Variants in RFX3 observed in about 807,000 individuals in gnomAD.
RFX3 encodes the protein regulatory factor X3.
RFX3 carries 14 observed loss-of-function variants against 98.6 expected under a neutral mutation model. The observed-to-expected ratio is 0.14, with a 90% CI of 0.09 to 0.22. The LOEUF is 0.22. RFX3 is among the 10% of genes least tolerant of loss of function. The pLI is 1.00. For missense variants in RFX3, 639 were observed against 926.9 expected (o/e 0.69, Z 4.03); for synonymous variants, 383 against 328.4 (o/e 1.17, Z -1.80).
At chr9:3,441,364 T>A (rs986455152) in intron 1 of RFX3, among the ~76,000 whole-genome samples, 1 of 152,080 alleles carries the variant, frequency 6.6e-6, no homozygotes, top group Non-Finnish European at 1.5e-5. Flanking sequence ...ATATGTTTCC[T>A]GGTTCTGTCT....
intron 1 of RFX3, among the ~76,000 whole-genome samples, chr9:3,498,745 A>G (rs1851287322): frequency 6.6e-6 from 1 of 152,076 alleles, no homozygotes; most frequent in South Asian, 2.1e-4. Flanking sequence ...CCCAAATCAA[A>G]CTAGCTTACC....
intron 1 of RFX3, among the ~76,000 whole-genome samples, chr9:3,498,771 T>A (rs1851289141): frequency 6.6e-6 from 1 of 152,080 alleles, no homozygotes; most frequent in Admixed American, 6.6e-5. Flanking sequence ...AAGAAAACCA[T>A]GACAACTGTT....
At chr9:3,282,786 A>G (rs556440841) in intron 7 of RFX3, among the ~76,000 whole-genome samples, 61 of 151,868 alleles carry the variant, frequency 4.0e-4, no homozygotes, top group African/African-American at 1.4e-3. Flanking sequence ...ATGCCAAGAG[A>G]TAAACAATAA....
chr9:3,281,409 T>C (rs1825897786), intron 7 of RFX3, among the ~76,000 whole-genome samples: 1 of 151,630 alleles, frequency 6.6e-6, no homozygotes, highest in Admixed American at 6.6e-5. Context: ...TTAAAAATAC[T>C]GAACTTTTTA....
intron 4 of RFX3, among the ~76,000 whole-genome samples, chr9:3,302,571 G>A (rs1021981303): frequency 1.2e-4 from 18 of 151,810 alleles, no homozygotes; most frequent in African/African-American, 4.3e-4. Context: ...AGAGAAAATT[G>A]ATTTCATTAT....
rs149767338 is a variant in RFX3, at chr9:3,525,358, T to A, written c.-9+389A>T. ...GAAAATTAAAGAAAGAACAAATTCT[T>A]ATCTCTTCACCTGACCCTCCTCCTC... On this transcript the variant is annotated intron_variant, in intron 1 of 16. Coordinates refer to ENST00000617270, the MANE Select transcript of RFX3 (RefSeq NM_001282116.2). 2.2e-3 allele frequency among the ~76,000 whole-genome samples: 341 copies of A among 152,294 alleles called. 12 individuals are homozygous for A. The East Asian group carries it at 0.058, about 26-fold the overall frequency.
intron 1 of RFX3, among the ~76,000 whole-genome samples, chr9:3,468,267 C>G (rs768770080): frequency 6.6e-6 from 1 of 152,136 alleles, no homozygotes; most frequent in Non-Finnish European, 1.5e-5. Context: ...AAGTATCATT[C>G]TTAAATAACA....
At chr9:3,456,418 G>C (rs7860523) in intron 1 of RFX3, among the ~76,000 whole-genome samples, 1 of 152,188 alleles carries the variant, frequency 6.6e-6, no homozygotes, top group Admixed American at 6.5e-5. Context: ...ATTTCAGATG[G>C]CTAAGCTTTT....
At chr9:3,486,421 G>A (rs910462213) in intron 1 of RFX3, among the ~76,000 whole-genome samples, 1 of 152,058 alleles carries the variant, frequency 6.6e-6, no homozygotes, top group African/African-American at 2.4e-5. Context: ...AAATAAATTT[G>A]AAAACTAATT....
At chr9:3,314,709 A>AT (rs1830374593) in intron 4 of RFX3, among the ~76,000 whole-genome samples, 1 of 152,046 alleles carries the variant, frequency 6.6e-6, no homozygotes, top group Admixed American at 6.6e-5. Context: ...CAAAAAAAAA[A>AT]GCAGGGGTTG....
intron 13 of RFX3, among the ~76,000 whole-genome samples, chr9:3,261,822 T>C (rs1342309902): frequency 6.6e-6 from 1 of 152,140 alleles, no homozygotes; most frequent in Non-Finnish European, 1.5e-5. Context: ...TTATTATATG[T>C]CTTTTTGCTT....
chr9:3,290,224 T>A (rs911737124), intron 6 of RFX3, among the ~76,000 whole-genome samples: 3 of 150,536 alleles, frequency 2.0e-5, no homozygotes, highest in Non-Finnish European at 3.0e-5. Flanking sequence ...ACAGGAGACA[T>A]AATTCATAAT....
chr9:3,444,525 T>C (rs1845868996), intron 1 of RFX3, among the ~76,000 whole-genome samples: 1 of 152,270 alleles, frequency 6.6e-6, no homozygotes, highest in African/African-American at 2.4e-5. Context: ...TTCACAGCTA[T>C]ATACTACATC....
intron 1 of RFX3, among the ~76,000 whole-genome samples, chr9:3,423,811 A>ATATC (rs1292059587): frequency 2.3e-5 from 3 of 132,388 alleles, no homozygotes; most frequent in South Asian, 2.4e-4. Flanking sequence ...ATATATATAT[A>ATATC]TCTTAAGGTA....
intron 2 of RFX3, among the ~76,000 whole-genome samples, chr9:3,388,169 T>A (rs530024571): frequency 2.6e-5 from 4 of 152,126 alleles, no homozygotes; most frequent in African/African-American, 7.2e-5. Flanking sequence ...AAGATGGAAA[T>A]GACCCAGTAT....
chr9:3,302,411 C>T (rs1182371331), intron 4 of RFX3, among the ~76,000 whole-genome samples: 9 of 151,670 alleles, frequency 5.9e-5, no homozygotes, highest in Non-Finnish European at 8.8e-5. Context: ...CTCTTAATAA[C>T]CTCATATTTA....
At chr9:3,232,967 T>C (rs999521083) in intron 15 of RFX3, among the ~76,000 whole-genome samples, 2 of 152,208 alleles carry the variant, frequency 1.3e-5, no homozygotes, top group Non-Finnish European at 2.9e-5. Flanking sequence ...TGAATTCACA[T>C]TCCATCAGTC....
chr9:3,456,371 T>G (rs1237757383), intron 1 of RFX3, among the ~76,000 whole-genome samples: 1 of 152,224 alleles, frequency 6.6e-6, no homozygotes, highest in Non-Finnish European at 1.5e-5. Flanking sequence ...AATTTTATGT[T>G]AATCAGTATT....
At chr9:3,260,027 G>A (rs1293565684) in intron 13 of RFX3, among the ~76,000 whole-genome samples, 1 of 151,922 alleles carries the variant, frequency 6.6e-6, no homozygotes, top group Non-Finnish European at 1.5e-5. Flanking sequence ...AGGGACTCTG[G>A]GAAAATCTGG....
Sources: gnomAD v4.1 joint callset for allele counts (sites outside exome capture counted in the v4.1 genomes callset) on GRCh38, gnomAD v4.1.1 for gene constraint, MANE v1.5 for transcripts, NCBI Gene and HGNC (gene_info 2026-07-23, HGNC 2026-07-21) for gene names.